Variants in TMTC3 observed in about 807,000 individuals in gnomAD.
TMTC3 encodes the protein transmembrane O-mannosyltransferase targeting cadherins 3.
A neutral mutation model predicts 92.2 loss-of-function variants in TMTC3; 52 were observed. The observed-to-expected ratio is 0.56, with a 90% CI of 0.45 to 0.71. The LOEUF (loss-of-function observed/expected upper bound fraction) is 0.71, where lower values mean the gene tolerates loss of function less well. Among genes scored for constraint, TMTC3 ranks in the 30% least tolerant of loss-of-function variants. The pLI is 0.00. For missense variants in TMTC3, 896 were observed against 1,057.1 expected, an observed-to-expected ratio of 0.85 and a Z score of 2.11; for synonymous variants, 339 against 363.3, an observed-to-expected ratio of 0.93 and a Z score of 0.76.
At position 88,196,627 on chromosome 12, in the gene TMTC3, A is replaced by C. The variant is rs903917181; in HGVS notation, c.*978A>C. ...ACTGAATTCAGTTCTGTTTGACTGA[A>C]AGCAAAACAACGTGACAGTTTATTT... On this transcript the variant is annotated 3_prime_UTR_variant, in exon 14 of 14. Transcript: ENST00000266712. 6.6e-6 allele frequency: 1 copy of C among 151,942 alleles called. No individual in the cohort carries two copies. The highest frequency in any genetic ancestry group is 1.5e-5 in the Non-Finnish European group (1 of 67,860). The allele number at this position is 151,942 out of a possible 1,614,324, so 9.4% of individuals were successfully genotyped here. A position where few individuals can be genotyped will look rare whatever the true frequency, so the allele number is the denominator to read the frequency against.
chr12:88,195,672 G>C lies in TMTC3; in HGVS notation c.*23G>C. The C allele has an allele frequency of 6.5e-7, 1 of 1,547,982 alleles. No homozygotes were observed. The highest frequency in any genetic ancestry group is 8.7e-7 in the Non-Finnish European group (1 of 1,149,406). ...TAACATTAATATTTATCGTGACAAT[G>C]GTATCAAAGAACATCAATCCGTATC... is the stretch of plus-strand genomic sequence containing the variant. On this transcript the variant is annotated 3_prime_UTR_variant, in exon 14 of 14. Coordinates refer to ENST00000266712, the MANE Select transcript of TMTC3 (RefSeq NM_181783.4).
chr12:88,179,505 T>C (rs1314757114), intron 10 of TMTC3, among the ~76,000 whole-genome samples: 1 of 152,224 alleles, frequency 6.6e-6, no homozygotes, highest in South Asian at 2.1e-4. Flanking sequence ...GGCAATAATG[T>C]ATATTCAATA....
chr12:88,155,041 G>A (rs1054290861), intron 4 of TMTC3, among the ~76,000 whole-genome samples: 2 of 152,200 alleles, frequency 1.3e-5, no homozygotes, highest in African/African-American at 4.8e-5. Flanking sequence ...AGTTTTATGT[G>A]TGGAAACTGA....
rs758749047 is a variant in TMTC3, at chr12:88,195,068, T to A, written c.2164T>A (p.Leu722Met). 5.0e-6 allele frequency: 8 copies of A among 1,613,754 alleles called. No individual in the cohort carries two copies. The East Asian group carries it at 1.8e-4, about 36-fold the overall frequency. Residue 722 changes from leucine to methionine, a missense_variant, in exon 14 of 14, where the codon TTG becomes ATG. Coordinates refer to ENST00000266712, the MANE Select transcript of TMTC3 (RefSeq NM_181783.4). Reference sequence around the variant, plus strand: ...CCAGACTGCAAAGGAATTAAAGGCTTTGCCAATTTTGGAGGAGTTACTCAG... The same window carrying A: ...CCAGACTGCAAAGGAATTAAAGGCTATGCCAATTTTGGAGGAGTTACTCAG... ...YSQTAKELKA[L>M]PILEELLRYY...
intron 8 of TMTC3, among the ~76,000 whole-genome samples, chr12:88,173,877 CTTG>C (rs1378846771): frequency 6.6e-6 from 1 of 152,110 alleles, no homozygotes; most frequent in African/African-American, 2.4e-5. Context: ...AAATAACAGT[CTTG>C]TTTCAGATTC....
chr12:88,193,974 A>T (rs1027588594), intron 13 of TMTC3, among the ~76,000 whole-genome samples: 1 of 151,926 alleles, frequency 6.6e-6, no homozygotes, highest in African/African-American at 2.4e-5. Flanking sequence ...TAATCCTAAC[A>T]CTTAGGGAGG....
At chr12:88,173,058 C>T (rs2041222883) in intron 8 of TMTC3, 1 of 1,310,316 alleles carries the variant, frequency 7.6e-7, no homozygotes, top group Non-Finnish European at 1.0e-6. Flanking sequence ...CTTCCATATT[C>T]AGTGAACTAA....
At chr12:88,187,659 C>A (rs922702805) in intron 10 of TMTC3, among the ~76,000 whole-genome samples, 4 of 152,168 alleles carry the variant, frequency 2.6e-5, no homozygotes, top group African/African-American at 9.7e-5. Context: ...ACACAATTGC[C>A]AGCCTAAAAC....
chr12:88,169,201 C>A (rs2041177906), intron 7 of TMTC3, among the ~76,000 whole-genome samples: 2 of 152,152 alleles, frequency 1.3e-5, no homozygotes, highest in African/African-American at 4.8e-5. Flanking sequence ...TAAATTTGAA[C>A]TTGGTGCTCA....
intron 5 of TMTC3, 68 bp downstream of exon 5, chr12:88,160,297 T>A: frequency 1.2e-6 from 1 of 850,088 alleles, no homozygotes; most frequent in Non-Finnish European, 1.7e-6. Flanking sequence ...TCAAATTTTA[T>A]TTATTTTTAT....
intron 1 of TMTC3, among the ~76,000 whole-genome samples, chr12:88,143,635 A>G (rs540350483): frequency 6.6e-6 from 1 of 152,290 alleles, no homozygotes; most frequent in South Asian, 2.1e-4. Context: ...TAAATGTTAT[A>G]TTTTAATTTT....
At chr12:88,154,135 C>A (rs1283611229) in intron 3 of TMTC3, among the ~76,000 whole-genome samples, 153 bp from the exon 4 acceptor site, 1 of 151,938 alleles carries the variant, frequency 6.6e-6, no homozygotes, top group Non-Finnish European at 1.5e-5. Flanking sequence ...ATGTAAGATT[C>A]ACAAATTCAC....
Position 88,194,907 on chromosome 12 carries a change from C to A in TMTC3, c.2003C>A (p.Ala668Asp). Reference sequence around the variant, plus strand: ...TATATAAATGAAGAGCCACTAGATGCTAATGGGTATTTCAATTTGGGAATG... The same window carrying A: ...TATATAAATGAAGAGCCACTAGATGATAATGGGTATTTCAATTTGGGAATG... ...LSYINEEPLD[A>D]NGYFNLGMLA... Residue 668 changes from alanine to aspartate, a missense_variant, in exon 14 of 14, where the codon GCT (alanine) becomes GAT (aspartate). Physicochemically the swap from Ala to Asp is moderately radical, Grantham distance 126 (BLOSUM62 -2). Transcript: ENST00000266712. 1.2e-5 allele frequency: 20 copies of A among 1,613,540 alleles called. No homozygotes were observed. Among genetic ancestry groups the A allele is most frequent in the Non-Finnish European group, 1.6e-5 (19 of 1,179,840 alleles).
intron 10 of TMTC3, 28 bp downstream of exon 10, chr12:88,176,347 G>A (rs1418040526): frequency 2.0e-6 from 3 of 1,497,930 alleles, no homozygotes; most frequent in African/African-American, 2.8e-5. Flanking sequence ...ATAAAATCAT[G>A]AATTTTATTT....
At chr12:88,171,285 T>A (rs1008643648) in intron 7 of TMTC3, among the ~76,000 whole-genome samples, 1 of 152,126 alleles carries the variant, frequency 6.6e-6, no homozygotes, top group African/African-American at 2.4e-5. Context: ...GCACATAAGT[T>A]AGATGTGTAA....
chr12:88,157,784 C>T (rs1044712023), intron 4 of TMTC3, among the ~76,000 whole-genome samples: 2 of 152,056 alleles, frequency 1.3e-5, no homozygotes, highest in African/African-American at 4.8e-5. Context: ...TTGTTTTGGA[C>T]AAAATCACAT....
At position 88,172,456 on chromosome 12, in the gene TMTC3, A is replaced by G. The variant is rs538730594; in HGVS notation, c.1051-141A>G. ...AATTAATATTCTTCACAGTATTATT[A>G]AAAATAGTTTAGCAGTACACTATCC... is the stretch of plus-strand genomic sequence containing the variant. On this transcript the variant is annotated intron_variant, in intron 7 of 13. Coordinates refer to ENST00000266712, the MANE Select transcript of TMTC3 (RefSeq NM_181783.4). 179 of 370,114 alleles carry G rather than the reference A, an allele frequency of 4.8e-4. 1 individual carries two copies. In the South Asian group the frequency reaches 0.012, roughly 25 times the overall value. 22.9% of individuals were successfully genotyped at this position (370,114 alleles called of 1,614,324 possible).
At chr12:88,143,806 C>G (rs1367776439) in intron 1 of TMTC3, among the ~76,000 whole-genome samples, 1 of 152,080 alleles carries the variant, frequency 6.6e-6, no homozygotes, top group East Asian at 1.9e-4. Flanking sequence ...GCATACACCC[C>G]CATTGGAGGT....
intron 7 of TMTC3, among the ~76,000 whole-genome samples, chr12:88,171,026 A>G (rs991623783): frequency 1.3e-5 from 2 of 152,152 alleles, no homozygotes; most frequent in Non-Finnish European, 2.9e-5. Flanking sequence ...TTATGCATAC[A>G]CTAAGCTTCT....
Sources: gnomAD v4.1 joint callset for allele counts (sites outside exome capture counted in the v4.1 genomes callset) on GRCh38, gnomAD v4.1.1 for gene constraint, MANE v1.5 for transcripts, NCBI Gene and HGNC (gene_info 2026-07-23, HGNC 2026-07-21) for gene names.